The following RSF1 variants were observed in gnomAD, a reference collection of about 807,000 sequenced individuals.
The protein encoded by RSF1 is HBV pX-associated protein 8.
RSF1 carries 13 observed loss-of-function variants against 145.2 expected under a neutral mutation model. The ratio of observed to expected loss-of-function variants is 0.09; its 90% CI spans 0.06 to 0.14. The LOEUF is 0.14. RSF1 is among the 10% of genes least tolerant of loss of function. RSF1 has a pLI of 1.00. For missense variants in RSF1, 1,517 were observed against 1,718.2 expected (o/e 0.88, Z 2.07); for synonymous variants, 577 against 592.6 (o/e 0.97, Z 0.38).
At chr11:77,784,620 A>G (rs1053285435) in intron 1 of RSF1, among the ~76,000 whole-genome samples, 60 of 152,168 alleles carry the variant, frequency 3.9e-4, no homozygotes, top group African/African-American at 1.4e-3. Context: ...TGTGCTGTTA[A>G]GATTTTGCAA....
chr11:77,690,963 GT>G (rs1462816334), intron 9 of RSF1, 195 bp downstream of exon 9: 1 of 535,720 alleles, frequency 1.9e-6, no homozygotes. Context: ...TATGATTCTA[GT>G]TTTTCCCCCC....
the RSF1 span, among the ~76,000 whole-genome samples, chr11:77,860,527 G>A: frequency 6.6e-5 from 10 of 152,204 alleles, no homozygotes; most frequent in African/African-American, 1.9e-4. Flanking sequence ...ATTTAAGAGC[G>A]CTTGGGTGGC....
chr11:77,698,658 A>G lies in RSF1; in HGVS notation c.2544T>C (p.Ser848=). The G allele has an allele frequency of 6.2e-7, 1 of 1,614,186 alleles. No homozygotes were observed. The highest frequency in any genetic ancestry group is 2.2e-5 in the East Asian group (1 of 44,878). The stretch of plus-strand genomic sequence containing the variant: ...AATATTTCCATCTGCCACGTGTCCG[A>G]GAACCAGTCCATCGAACTTTGCCTT... The part of the protein sequence containing the change: ...KPKGKVRWTG[S]RTRGRWKYSS... Residue 848 remains serine, a synonymous_variant, in exon 7 of 16, where the codon TCT becomes TCC. Transcript: ENST00000308488.
intron 4 of RSF1, among the ~76,000 whole-genome samples, chr11:77,726,819 AT>A (rs1163218692): frequency 6.6e-6 from 1 of 152,116 alleles, no homozygotes; most frequent in Non-Finnish European, 1.5e-5. Flanking sequence ...TTCCAATTCC[AT>A]GCCAGCTAGA....
At chr11:77,728,906 A>C (rs967384334) in intron 4 of RSF1, among the ~76,000 whole-genome samples, 1 of 152,168 alleles carries the variant, frequency 6.6e-6, no homozygotes, top group Non-Finnish European at 1.5e-5. Context: ...TTTTACAAAA[A>C]AGAGATGGTG....
rs182675433 is a variant in RSF1, at chr11:77,716,531, T to G, written c.733+9014A>C. Among the ~76,000 whole-genome samples, 21 of 152,282 alleles carry G rather than the reference T, an allele frequency of 1.4e-4. No homozygotes were observed. In the East Asian group the frequency reaches 3.9e-3, roughly 28 times the overall value. ...GAAATAAGTCAGGAACAGAAACAAA[T>G]ACCCCATGATCTCACTTACATGTGG... is the stretch of plus-strand genomic sequence containing the variant. On this transcript the variant is annotated intron_variant, in intron 5 of 15. Coordinates refer to ENST00000308488, the MANE Select transcript of RSF1 (RefSeq NM_016578.4).
At chr11:77,810,546 GTTCC>G (rs1948720435) in intron 1 of RSF1, among the ~76,000 whole-genome samples, 1 of 152,000 alleles carries the variant, frequency 6.6e-6, no homozygotes, top group African/African-American at 2.4e-5. Flanking sequence ...TATTATATTG[GTTCC>G]TTTTTATTTT....
intron 1 of RSF1, among the ~76,000 whole-genome samples, chr11:77,806,675 T>C (rs1205682919): frequency 6.6e-6 from 1 of 150,970 alleles, no homozygotes; most frequent in Non-Finnish European, 1.5e-5. Context: ...AGCAAGACCC[T>C]CTCTCTAAAT....
At chr11:77,805,621 G>T (rs1472023443) in intron 1 of RSF1, among the ~76,000 whole-genome samples, 2 of 152,030 alleles carry the variant, frequency 1.3e-5, no homozygotes, top group Non-Finnish European at 2.9e-5. Context: ...AATGTTAAAT[G>T]CATACTTAAC....
Position 77,740,894 on chromosome 11 carries a change from T to C in RSF1, c.415A>G (p.Asn139Asp). The C allele has an allele frequency of 6.2e-7, 1 of 1,614,126 alleles. No homozygotes were observed. Among genetic ancestry groups the C allele is most frequent in the Non-Finnish European group, 8.5e-7 (1 of 1,180,006 alleles). ...CQFDDNLKFK[N>D]IINEEDADTM... is the part of the protein sequence containing the mutation. ...TCGGCATCCTCCTCATTAATAATAT[T>C]CTTGAATTTGAGATTGTCATCAAAC... The change falls in exon 4 of 16, where the codon AAT becomes GAT. Residue 139 changes from asparagine (N) to aspartate (D), a missense_variant. By Grantham distance (23) the Asn-to-Asp change is conservative. This residue lies in a region of RSF1 where 94 missense variants were observed against 143.6 expected (regional missense o/e 0.65). Transcript: ENST00000308488.
intron 2 of RSF1, chr11:77,764,149 G>C (rs946381499): frequency 1.3e-5 from 2 of 154,790 alleles, no homozygotes; most frequent in East Asian, 3.8e-4. Flanking sequence ...ATGGTAAGGA[G>C]AGGAATGGGG....
At chr11:77,748,816 T>C (rs1372578935) in intron 2 of RSF1, among the ~76,000 whole-genome samples, 3 of 152,146 alleles carry the variant, frequency 2.0e-5, no homozygotes, top group African/African-American at 7.2e-5. Context: ...TCCTAAGTAT[T>C]TACACAAGAA....
At chr11:77,865,878 T>C in the RSF1 span, among the ~76,000 whole-genome samples, 24 of 152,308 alleles carry the variant, frequency 1.6e-4, no homozygotes, top group South Asian at 4.2e-3. Context: ...TCGGCCTCAA[T>C]AGACTGCCAG....
chr11:77,764,481 C>A, intron 2 of RSF1, 117 bp downstream of exon 2: 1 of 639,640 alleles, frequency 1.6e-6, no homozygotes. Context: ...GATTTTGGAG[C>A]CATAGTCTTA....
intron 5 of RSF1, among the ~76,000 whole-genome samples, chr11:77,710,716 T>G (rs1432125893): frequency 5.9e-5 from 9 of 152,242 alleles, no homozygotes. Context: ...TTTTAATTTA[T>G]TAGCAATTTC....
intron 10 of RSF1, among the ~76,000 whole-genome samples, chr11:77,684,799 C>T (rs1251186537): frequency 6.6e-6 from 1 of 152,174 alleles, no homozygotes; most frequent in Admixed American, 6.5e-5. Context: ...ACCATCCTGG[C>T]CAACATGGTG....
chr11:77,771,361 G>T (rs1182036950), intron 1 of RSF1, among the ~76,000 whole-genome samples: 1 of 152,094 alleles, frequency 6.6e-6, no homozygotes, highest in Non-Finnish European at 1.5e-5. Flanking sequence ...GTAAAGATAA[G>T]AAACAGCCAA....
intron 1 of RSF1, among the ~76,000 whole-genome samples, chr11:77,765,902 T>C (rs1436616715): frequency 3.9e-5 from 6 of 152,036 alleles, no homozygotes; most frequent in South Asian, 2.1e-4. Context: ...TGCCCACCAC[T>C]ACTCCCGGCT....
chr11:77,771,007 A>G (rs1948276951), intron 1 of RSF1, among the ~76,000 whole-genome samples: 1 of 152,190 alleles, frequency 6.6e-6, no homozygotes, highest in African/African-American at 2.4e-5. Context: ...CTAGTATCAG[A>G]TGTCTCCAGC....
Sources: gnomAD v4.1 joint callset for allele counts (sites outside exome capture counted in the v4.1 genomes callset) on GRCh38, gnomAD v4.1.1 for gene constraint, gnomAD v4.1.1 regional missense constraint, MANE v1.5 for transcripts, NCBI Gene and HGNC (gene_info 2026-07-23, HGNC 2026-07-21) for gene names.